The following ZNF197 variants were observed in gnomAD, a reference collection of about 807,000 sequenced individuals.
ZNF197 encodes the protein VHL-associated KRAB-A domain-containing protein.
Under a neutral mutation model 27.4 loss-of-function variants are expected in ZNF197, and 14 were observed. The ratio of observed to expected loss-of-function variants is 0.51; its 90% confidence interval spans 0.34 to 0.80. ZNF197 has a LOEUF of 0.80. Ranked by LOEUF, ZNF197 falls within the 30% of genes least tolerant of loss-of-function variation. ZNF197 has a pLI of 0.02. For missense variants in ZNF197, 1,090 were observed against 1,222.6 expected, an observed-to-expected ratio of 0.89 and a Z score of 1.62; for synonymous variants, 415 against 420.0, an observed-to-expected ratio of 0.99 and a Z score of 0.15.
chr3:44,632,712 G>A (rs566392282), intron 5 of ZNF197, 113 bp downstream of exon 5: 5 of 1,259,294 alleles, frequency 4.0e-6, no homozygotes, highest in Non-Finnish European at 5.2e-6. Flanking sequence ...TTACAAAGAA[G>A]AAAAAAACCT....
chr3:44,641,999 G>T lies in ZNF197; in HGVS notation c.869G>T (p.Ser290Ile). Residue 290 changes from serine (S) to isoleucine (I), a missense_variant, in exon 6 of 6, where the codon AGT becomes ATT. Transcript: ENST00000344387. Reference sequence around the variant, plus strand: ...GGAACATCAAAAAGACTTCAAGGAAGTGTTCCCCAGGTCCTTGATTTTGAA... The same window carrying T: ...GGAACATCAAAAAGACTTCAAGGAATTGTTCCCCAGGTCCTTGATTTTGAA... Reference protein sequence around the residue: ...HKGTSKRLQGSVPQVLDFEEE... With the variant: ...HKGTSKRLQGIVPQVLDFEEE... 6.2e-7 allele frequency: 1 copy of T among 1,613,976 alleles called. No homozygotes were observed.
At position 44,636,705 on chromosome 3, in the gene ZNF197, T is replaced by C. The variant is rs570705277; in HGVS notation, c.769+4106T>C. On this transcript the variant is annotated intron_variant, in intron 5 of 5. Coordinates refer to ENST00000344387, the MANE Select transcript of ZNF197 (RefSeq NM_006991.5). ...GTGTATAATTTTTTGTGTGGATATA[T>C]GTTTTCATTTCTACCTAGAAGTAGA... Among the ~76,000 whole-genome samples, 10 of 152,354 alleles carry C rather than the reference T, an allele frequency of 6.6e-5. No homozygotes were observed. The East Asian group carries it at 1.4e-3, about 21-fold the overall frequency.
In ZNF197 at chr3:44,642,487, C is replaced by A. The variant is rs947966717; in HGVS notation, c.1357C>A (p.Pro453Thr). ...NHQRIHTGEKPYKCKECGKGF... is the reference protein window; with the variant it reads ...NHQRIHTGEKTYKCKECGKGF... ...TCAGAGGATCCACACTGGGGAGAAACCTTATAAGTGTAAGGAGTGTGGAAA... is the reference window on the plus strand; with the variant it reads ...TCAGAGGATCCACACTGGGGAGAAAACTTATAAGTGTAAGGAGTGTGGAAA... Residue 453 changes from proline to threonine, a missense_variant, in exon 6 of 6, where the codon CCT (proline) becomes ACT (threonine). Pro to Thr is a conservative substitution (Grantham distance 38). Transcript: ENST00000344387. The A allele has an allele frequency of 1.2e-6, 2 of 1,613,996 alleles. No homozygotes were observed. The highest frequency in any genetic ancestry group is 1.7e-6 in the Non-Finnish European group (2 of 1,179,978).
rs1207943033 is a variant in ZNF197, at chr3:44,647,891, CA to C, written c.*3672del. ...ATGGAACACTTGTGTATCTTGATTG[CA>C]GTGGTGGTTACACAAATCTATAGGT... On this transcript the variant is annotated 3_prime_UTR_variant, in exon 6 of 6. Coordinates refer to ENST00000344387, the MANE Select transcript of ZNF197 (RefSeq NM_006991.5). 6.6e-6 allele frequency: 1 copy of C among 152,108 alleles called. No homozygotes were observed. The highest frequency in any genetic ancestry group is 1.5e-5 in the Non-Finnish European group (1 of 68,014). The allele number at this position is 152,108 out of a possible 1,614,324, so 9.4% of individuals were successfully genotyped here.
chr3:44,645,599 A>G lies in ZNF197; in HGVS notation c.*1379A>G, dbSNP rs183017064. On this transcript the variant is annotated 3_prime_UTR_variant, in exon 6 of 6. Transcript: ENST00000344387. ...AGTGTCAAAATGGAAGGGCAGTGGT[A>G]CCCTGCTTTCCCTATTCAGAGGGAA... The G allele has an allele frequency of 1.5e-4, 152 of 985,374 alleles. No individual in the cohort carries two copies. In the African/African-American group the frequency reaches 2.5e-3, roughly 16 times the overall value. The allele number at this position is 985,374 out of a possible 1,614,324, so 61.0% of individuals were successfully genotyped here. A position where few individuals can be genotyped will look rare whatever the true frequency, so the allele number is the denominator to read the frequency against.
In ZNF197 at chr3:44,632,095, CCCT is replaced by C. The variant is rs769122206; in HGVS notation, c.551-5_551-3del. 5 of 1,613,724 alleles carry C rather than the reference CCCT, an allele frequency of 3.1e-6. No homozygotes were observed. In the African/African-American group the frequency reaches 6.7e-5, roughly 22 times the overall value. ...GTAGGTCCCATATGCAGCTTTTTCT[CCCT>C]CCTCAGATTCTCCTGCCCCTGAAGC... is the stretch of plus-strand genomic sequence containing the variant. On this transcript the variant is annotated splice_polypyrimidine_tract_variant and splice_region_variant and intron_variant, in intron 3 of 5. Coordinates refer to ENST00000344387, the MANE Select transcript of ZNF197 (RefSeq NM_006991.5).
intron 5 of ZNF197, among the ~76,000 whole-genome samples, chr3:44,635,467 AGC>A: frequency 6.6e-6 from 1 of 152,206 alleles, no homozygotes; most frequent in South Asian, 2.1e-4. Flanking sequence ...TAAAGTACTA[AGC>A]AGAACATGGT....
chr3:44,640,742 A>G lies in ZNF197; in HGVS notation c.770-1158A>G, dbSNP rs981718273. Among the ~76,000 whole-genome samples, 4 of 152,230 alleles carry G rather than the reference A, an allele frequency of 2.6e-5. No individual in the cohort carries two copies. Among genetic ancestry groups the G allele is most frequent in the African/African-American group, 9.6e-5 (4 of 41,458 alleles). On this transcript the variant is annotated intron_variant, in intron 5 of 5. Coordinates refer to ENST00000344387, the MANE Select transcript of ZNF197 (RefSeq NM_006991.5). The surrounding 1 kb of genome is among the most constrained non-coding windows in gnomAD (Gnocchi z 4.0). Reference sequence around the variant, plus strand: ...GAAGTACCAGCATTAGATAGGCTTAAGACACATACCCATCCCTGCAGCCAG... The same window carrying G: ...GAAGTACCAGCATTAGATAGGCTTAGGACACATACCCATCCCTGCAGCCAG...
chr3:44,627,830 CAAAA>C (rs536166949), intron 1 of ZNF197, among the ~76,000 whole-genome samples: 4 of 85,472 alleles, frequency 4.7e-5, no homozygotes, highest in Non-Finnish European at 4.8e-5. Context: ...GACTCCATCT[CAAAA>C]AAAAAAAAAA....
rs540837379 is a variant in ZNF197 at position 44,645,972 on chromosome 3, T to C, written c.*1752T>C. ...CTGTAGCTGGACTATGAATAATACC[T>C]GAATATGAAGATTGTGTTTTTTAAT... On this transcript the variant is annotated 3_prime_UTR_variant, in exon 6 of 6. Transcript: ENST00000344387. The C allele has an allele frequency of 2.0e-6, 2 of 985,444 alleles. No homozygotes were observed. Among genetic ancestry groups the C allele is most frequent in the Admixed American group, 6.1e-5 (1 of 16,292 alleles). The allele number at this position is 985,444 out of a possible 1,614,324, so 61.0% of individuals were successfully genotyped here. A position where few individuals can be genotyped will look rare whatever the true frequency, so the allele number is the denominator to read the frequency against.
In ZNF197 at chr3:44,646,208, C is replaced by T. The variant is rs1398505643; in HGVS notation, c.*1988C>T. The T allele has an allele frequency of 5.2e-5, 51 of 978,016 alleles. No homozygotes were observed. Among genetic ancestry groups the T allele is most frequent in the Non-Finnish European group, 6.1e-5 (50 of 823,342 alleles). The allele number at this position is 978,016 out of a possible 1,614,324, so 60.6% of individuals were successfully genotyped here. On this transcript the variant is annotated 3_prime_UTR_variant, in exon 6 of 6. Transcript: ENST00000344387. Reference sequence around the variant, plus strand: ...GTTCTTGGAGCCTTGAATTCCTCATCTGTTAAACAGGAGGAAGAATATCTA... The same window carrying T: ...GTTCTTGGAGCCTTGAATTCCTCATTTGTTAAACAGGAGGAAGAATATCTA...
In ZNF197 at chr3:44,642,869, GCCT is replaced by G. The variant is rs750502071; in HGVS notation, c.1744_1746del (p.Leu583del). On this transcript the variant is annotated inframe_deletion, in exon 6 of 6. Coordinates refer to ENST00000344387, the MANE Select transcript of ZNF197 (RefSeq NM_006991.5). ...GGAAAAGTTTTCATTCGAAGCAAAA[GCCT>G]CCTCTTACATCAGAGAGTCCACACA... 6.2e-7 allele frequency: 1 copy of G among 1,613,980 alleles called. No individual in the cohort carries two copies. Among genetic ancestry groups the G allele is most frequent in the Non-Finnish European group, 8.5e-7 (1 of 1,180,026 alleles).
At chr3:44,633,928 ATAATT>A (rs543870240) in intron 5 of ZNF197, among the ~76,000 whole-genome samples, 36 of 152,278 alleles carry the variant, frequency 2.4e-4, no homozygotes, top group Non-Finnish European at 4.4e-4. Context: ...ATTATCTTTA[ATAATT>A]TAAACTGTAC....
intron 5 of ZNF197, among the ~76,000 whole-genome samples, chr3:44,639,564 G>T (rs1483667401): frequency 3.3e-5 from 5 of 150,172 alleles, no homozygotes; most frequent in African/African-American, 1.2e-4. Context: ...TTAGTAATTT[G>T]TGCCTTTCTA....
intron 3 of ZNF197, among the ~76,000 whole-genome samples, chr3:44,631,781 A>G (rs1398849165): frequency 1.3e-4 from 19 of 149,934 alleles, no homozygotes; most frequent in Admixed American, 1.3e-3. Context: ...GCTCACTGCA[A>G]CCTCCGCCTC....
chr3:44,641,811 T>C, intron 5 of ZNF197, 89 bp from the exon 6 acceptor site: 3 of 1,425,828 alleles, frequency 2.1e-6, no homozygotes, highest in Non-Finnish European at 9.2e-7. Context: ...AAAGTGTGCC[T>C]TCCTAGAATG....
chr3:44,633,940 G>T (rs1229812596), intron 5 of ZNF197, among the ~76,000 whole-genome samples: 1 of 152,140 alleles, frequency 6.6e-6, no homozygotes, highest in Admixed American at 6.5e-5. Context: ...AATTTAAACT[G>T]TACATTTTCA....
rs1208204987 is a variant in ZNF197 at position 44,641,992 on chromosome 3, C to G, written c.862C>G (p.Gln288Glu). The G allele has an allele frequency of 1.2e-6, 2 of 1,613,562 alleles. No individual in the cohort carries two copies. The highest frequency in any genetic ancestry group is 1.7e-6 in the Non-Finnish European group (2 of 1,179,790). Reference sequence around the variant, plus strand: ...TCATAAAGGAACATCAAAAAGACTTCAAGGAAGTGTTCCCCAGGTCCTTGA... The same window carrying G: ...TCATAAAGGAACATCAAAAAGACTTGAAGGAAGTGTTCCCCAGGTCCTTGA... ...DSHKGTSKRL[Q>E]GSVPQVLDFE... The change falls in exon 6 of 6, where the codon CAA (glutamine) becomes GAA (glutamate). Residue 288 changes from glutamine (Q) to glutamate (E), a missense_variant. Transcript: ENST00000344387.
At chr3:44,639,383 A>C (rs1702474527) in intron 5 of ZNF197, among the ~76,000 whole-genome samples, 1 of 152,028 alleles carries the variant, frequency 6.6e-6, no homozygotes, top group Non-Finnish European at 1.5e-5. Flanking sequence ...TTTGTGAAGA[A>C]ATGGTATTCT....
Sources: gnomAD v4.1 joint callset for allele counts (sites outside exome capture counted in the v4.1 genomes callset) on GRCh38, gnomAD v4.1.1 for gene constraint, Gnocchi (gnomAD v3.1) non-coding constraint, MANE v1.5 for transcripts, NCBI Gene and HGNC (gene_info 2026-07-23, HGNC 2026-07-21) for gene names.